The following PTBP3 variants were observed in gnomAD, a reference collection of about 807,000 sequenced individuals.
PTBP3 encodes polypyrimidine tract-binding protein 3.
A neutral mutation model predicts 58.7 loss-of-function variants in PTBP3; 20 were observed. The observed-to-expected ratio is 0.34, with a 90% CI of 0.24 to 0.50. The LOEUF is 0.50. Ranked by LOEUF, PTBP3 falls within the 20% of genes least tolerant of loss-of-function variation. PTBP3 has a pLI of 0.98. For synonymous variants in PTBP3, 185 were observed against 219.8 expected, an observed-to-expected ratio of 0.84 and a Z score of 1.40; for missense variants, 509 against 637.2, an observed-to-expected ratio of 0.80 and a Z score of 2.17.
chr9:112,320,292 ATAT>A (rs1473048414), intron 1 of PTBP3, among the ~76,000 whole-genome samples: 3 of 38,536 alleles, frequency 7.8e-5, no homozygotes, highest in East Asian at 5.6e-4. Context: ...AAAAAAAAAA[ATAT>A]ATATATATAT....
the PTBP3 span, among the ~76,000 whole-genome samples, chr9:112,373,586 A>G: frequency 6.6e-6 from 1 of 152,152 alleles, no homozygotes; most frequent in Admixed American, 6.5e-5. Context: ...TCACAAGTCC[A>G]CCCCTTGTCA....
At chr9:112,301,448 G>GA (rs1174749301) in intron 1 of PTBP3, among the ~76,000 whole-genome samples, 2 of 42,746 alleles carry the variant, frequency 4.7e-5, no homozygotes, top group Non-Finnish European at 7.9e-5. Flanking sequence ...GGTGTTTTCT[G>GA]AAAAAAAGAA....
intron 10 of PTBP3, among the ~76,000 whole-genome samples, chr9:112,229,921 A>G (rs1835136025): frequency 6.6e-6 from 1 of 152,212 alleles, no homozygotes; most frequent in Non-Finnish European, 1.5e-5. Context: ...TGGCTAGAAA[A>G]GAGTCATATT....
intron 2 of PTBP3, among the ~76,000 whole-genome samples, chr9:112,289,596 C>A (rs1352168131): frequency 6.6e-6 from 1 of 152,108 alleles, no homozygotes; most frequent in Non-Finnish European, 1.5e-5. Flanking sequence ...TCCTGGGGAA[C>A]ACAGGGAGAC....
At chr9:112,294,136 G>A (rs1012059767) in intron 2 of PTBP3, among the ~76,000 whole-genome samples, 1 of 152,128 alleles carries the variant, frequency 6.6e-6, no homozygotes, top group Non-Finnish European at 1.5e-5. Context: ...CACAAAAGAT[G>A]ATGGTAACAT....
chr9:112,346,791 C>A, the PTBP3 span, among the ~76,000 whole-genome samples: 1 of 151,820 alleles, frequency 6.6e-6, no homozygotes, highest in Non-Finnish European at 1.5e-5. Flanking sequence ...AGCGCAGTGG[C>A]GCTTTCTCAA....
chr9:112,273,813 T>C (rs187520656), intron 3 of PTBP3, among the ~76,000 whole-genome samples: 1 of 152,320 alleles, frequency 6.6e-6, no homozygotes, highest in East Asian at 1.9e-4. Context: ...CAAGTAGATC[T>C]AGTGACTCAA....
intron 7 of PTBP3, among the ~76,000 whole-genome samples, chr9:112,241,093 G>A (rs754096206): frequency 1.3e-5 from 2 of 151,940 alleles, no homozygotes; most frequent in Non-Finnish European, 2.9e-5. Flanking sequence ...TTATTTATTT[G>A]TTTGTTTTTT....
At chr9:112,290,318 T>C (rs909503551) in intron 2 of PTBP3, among the ~76,000 whole-genome samples, 1 of 152,116 alleles carries the variant, frequency 6.6e-6, no homozygotes, top group African/African-American at 2.4e-5. Context: ...TCATTAATAT[T>C]TATGCAAACA....
chr9:112,326,298 C>G (rs1830154148), intron 1 of PTBP3, among the ~76,000 whole-genome samples: 1 of 152,160 alleles, frequency 6.6e-6, no homozygotes, highest in African/African-American at 2.4e-5. Flanking sequence ...CAGCAGCAGG[C>G]AAACGTTTTC....
chr9:112,323,541 A>G (rs1463672518), intron 1 of PTBP3, among the ~76,000 whole-genome samples: 2 of 152,232 alleles, frequency 1.3e-5, no homozygotes, highest in Non-Finnish European at 2.9e-5. Flanking sequence ...GAAAATGTAG[A>G]TAACATGCAA....
At chr9:112,264,058 T>A (rs973573623) in intron 4 of PTBP3, among the ~76,000 whole-genome samples, 4 of 152,036 alleles carry the variant, frequency 2.6e-5, no homozygotes, top group Non-Finnish European at 4.4e-5. Flanking sequence ...TTTTTAAATG[T>A]TTGGGTAACA....
intron 7 of PTBP3, among the ~76,000 whole-genome samples, chr9:112,244,572 A>C (rs1482918629): frequency 1.3e-5 from 2 of 151,930 alleles, no homozygotes; most frequent in African/African-American, 4.8e-5. Context: ...CTGGCTACTC[A>C]GGAGGCTGAG....
chr9:112,333,765 C>T, upstream of PTBP3: 2 of 298,700 alleles, frequency 6.7e-6, no homozygotes, highest in Non-Finnish European at 1.2e-5. Context: ...TCGCGCCCAC[C>T]CTCGCCCCGC....
At chr9:112,303,211 A>G (rs1829026546) in intron 1 of PTBP3, among the ~76,000 whole-genome samples, 1 of 152,204 alleles carries the variant, frequency 6.6e-6, no homozygotes, top group South Asian at 2.1e-4. Flanking sequence ...TTCAAGCACT[A>G]TCCCTTTGCT....
the PTBP3 span, among the ~76,000 whole-genome samples, chr9:112,349,177 T>C: frequency 1.3e-5 from 2 of 152,130 alleles, no homozygotes; most frequent in Admixed American, 6.6e-5. Flanking sequence ...GGGGGCTGGA[T>C]ATTAAGCTCT....
chr9:112,355,155 T>C, the PTBP3 span, among the ~76,000 whole-genome samples: 2 of 152,206 alleles, frequency 1.3e-5, no homozygotes, highest in Admixed American at 1.3e-4. Flanking sequence ...GAGAAAATGC[T>C]TGGCTTGGGA....
At chr9:112,340,277 T>C in the PTBP3 span, among the ~76,000 whole-genome samples, 1 of 152,248 alleles carries the variant, frequency 6.6e-6, no homozygotes, top group Admixed American at 6.5e-5. Flanking sequence ...ATTGTATTAA[T>C]ACTAAATTTG....
chr9:112,280,144 G>A (rs1471400853), intron 2 of PTBP3, among the ~76,000 whole-genome samples: 3 of 151,932 alleles, frequency 2.0e-5, no homozygotes, highest in Non-Finnish European at 4.4e-5. Context: ...TGCAACCCCC[G>A]CCTCCCAGGA....
Sources: allele counts gnomAD v4.1 joint callset (sites outside exome capture counted in the v4.1 genomes callset), GRCh38; gene constraint gnomAD v4.1.1; transcripts MANE v1.5; gene names NCBI Gene and HGNC (gene_info 2026-07-23, HGNC 2026-07-21).